PIK3C2G: variants seen among roughly 807,000 people sequenced by gnomAD.
The protein encoded by PIK3C2G is phosphatidylinositol 3-kinase C2 domain-containing subunit gamma.
In PIK3C2G, 168 loss-of-function variants were observed where a neutral mutation model predicts 181.1. The observed-to-expected ratio is 0.93, with a 90% CI of 0.82 to 1.05. The LOEUF (loss-of-function observed/expected upper bound fraction) is 1.05. PIK3C2G is among the 50% of genes least tolerant of loss of function. The pLI is 0.00. For missense variants in PIK3C2G, 1,869 were observed against 1,732.8 expected (o/e 1.08, Z -1.40); for synonymous variants, 573 against 592.2 (o/e 0.97, Z 0.47).
At chr12:18,280,950 G>A (rs1410039114) in intron 1 of PIK3C2G, among the ~76,000 whole-genome samples, 1 of 151,830 alleles carries the variant, frequency 6.6e-6, no homozygotes, top group Non-Finnish European at 1.5e-5. Flanking sequence ...GATGAGGAAG[G>A]GTTCAAAGGT....
rs540900746 is a variant in PIK3C2G, at chr12:18,532,154, G to C, written c.3324-6002G>C. ...AATAATGTTGAACATCTTTTTATAT[G>C]TTTATTTACAATCTGCAAGTCATCT... On this transcript the variant is annotated intron_variant, in intron 24 of 32. Coordinates refer to ENST00000538779, the MANE Select transcript of PIK3C2G (RefSeq NM_001288772.2). Among the ~76,000 whole-genome samples the C allele has an allele frequency of 4.6e-5, 7 of 152,074 alleles. No homozygotes were observed. In the South Asian group the frequency reaches 1.0e-3, roughly 23 times the overall value.
intron 1 of PIK3C2G, among the ~76,000 whole-genome samples, chr12:18,273,908 G>A (rs548043514): frequency 1.2e-4 from 19 of 152,112 alleles, no homozygotes; most frequent in South Asian, 1.0e-3. Flanking sequence ...CTACTCATCT[G>A]ACAAAGGGCT....
chr12:18,651,831 A>G (rs1950534516), downstream of PIK3C2G, among the ~76,000 whole-genome samples: 2 of 152,166 alleles, frequency 1.3e-5, no homozygotes. Context: ...AGACATATGC[A>G]TGAGGCAACC....
intron 15 of PIK3C2G, among the ~76,000 whole-genome samples, chr12:18,396,111 C>T (rs1477119412): frequency 1.3e-5 from 2 of 151,400 alleles, no homozygotes; most frequent in African/African-American, 4.8e-5. Flanking sequence ...TGTCAGCCTA[C>T]ATCAAAAAAG....
chr12:18,686,979 G>C, the PIK3C2G span, among the ~76,000 whole-genome samples: 4 of 152,106 alleles, frequency 2.6e-5, no homozygotes, highest in South Asian at 8.3e-4. Context: ...TAAGCATTTT[G>C]TGATGAAGAT....
At chr12:18,699,648 G>T in the PIK3C2G span, 1 of 823,578 alleles carries the variant, frequency 1.2e-6, no homozygotes, top group South Asian at 1.6e-5. Flanking sequence ...GAGACCTGAG[G>T]TATGTAACCC....
At chr12:18,651,491 A>G (rs192463206), downstream of PIK3C2G, among the ~76,000 whole-genome samples, 10 of 152,300 alleles carry the variant, frequency 6.6e-5, no homozygotes, top group Middle Eastern at 3.4e-3. Context: ...AATTAGCCAT[A>G]AGACTATCAG....
chr12:18,487,096 T>TTGTGTGTGTGTGTGTGTGTGTGTGTG (rs35440588), intron 18 of PIK3C2G, among the ~76,000 whole-genome samples: 3 of 142,106 alleles, frequency 2.1e-5, no homozygotes, highest in African/African-American at 7.9e-5. Flanking sequence ...TTGAGGTATT[T>TTGTGTGTGTGTGTGTGTGTGTGTGTG]TGTGTGTGTG....
At chr12:18,399,907 T>C (rs1233612599) in intron 16 of PIK3C2G, 60 bp downstream of exon 16, 11 of 969,156 alleles carry the variant, frequency 1.1e-5, no homozygotes, top group Admixed American at 3.0e-5. Context: ...TGAAGAGAAC[T>C]ATAGAACCAT....
intron 18 of PIK3C2G, among the ~76,000 whole-genome samples, chr12:18,446,504 C>T (rs528740298): frequency 6.6e-6 from 1 of 152,284 alleles, no homozygotes; most frequent in Non-Finnish European, 1.5e-5. Context: ...TCAGTGCTAA[C>T]AGTATCACTG....
At chr12:18,301,458 A>C (rs1950172573) in intron 5 of PIK3C2G, among the ~76,000 whole-genome samples, 1 of 152,062 alleles carries the variant, frequency 6.6e-6, no homozygotes, top group Non-Finnish European at 1.5e-5. Context: ...CCTATTATGA[A>C]GTTCTGAAAT....
chr12:18,380,731 T>C (rs924146314), intron 13 of PIK3C2G, among the ~76,000 whole-genome samples: 2 of 152,164 alleles, frequency 1.3e-5, no homozygotes, highest in African/African-American at 4.8e-5. Flanking sequence ...ATTATACTCC[T>C]CTAGGCAGAT....
intron 31 of PIK3C2G, among the ~76,000 whole-genome samples, chr12:18,613,306 T>C (rs1948436814): frequency 6.6e-6 from 1 of 151,986 alleles, no homozygotes; most frequent in South Asian, 2.1e-4. Context: ...TACCCACACT[T>C]TCTTAGGCTC....
intron 1 of PIK3C2G, among the ~76,000 whole-genome samples, chr12:18,263,904 C>A (rs994413610): frequency 4.0e-5 from 6 of 151,842 alleles, no homozygotes; most frequent in Non-Finnish European, 7.4e-5. Context: ...TGATATATAC[C>A]TTTTCATTTC....
the PIK3C2G span, chr12:18,712,984 G>A: frequency 7.5e-5 from 121 of 1,613,600 alleles, no homozygotes; most frequent in Non-Finnish European, 1.0e-4. Flanking sequence ...TTTCACAAGG[G>A]CACTAGCAAA....
intron 24 of PIK3C2G, among the ~76,000 whole-genome samples, chr12:18,522,115 A>G (rs2136185876): frequency 6.6e-6 from 1 of 152,322 alleles, no homozygotes; most frequent in Non-Finnish European, 1.5e-5. Context: ...CTTAATTGCC[A>G]GTGCAGGATT....
the PIK3C2G span, among the ~76,000 whole-genome samples, chr12:18,707,482 T>A: frequency 6.6e-6 from 1 of 152,154 alleles, no homozygotes; most frequent in African/African-American, 2.4e-5. Context: ...CTGGCCACAT[T>A]GAAAGTGGAT....
chr12:18,562,654 T>G (rs1945410687), intron 26 of PIK3C2G, 49 bp from the exon 27 acceptor site: 2 of 1,075,840 alleles, frequency 1.9e-6, no homozygotes, highest in Non-Finnish European at 2.8e-6. Context: ...ATGAAATGAG[T>G]AGATGCAGAG....
intron 16 of PIK3C2G, among the ~76,000 whole-genome samples, chr12:18,419,554 C>T (rs987385333): frequency 6.6e-6 from 1 of 152,188 alleles, no homozygotes; most frequent in African/African-American, 2.4e-5. Context: ...TAATTGCACT[C>T]TTTCTGCCCT....
Sources: gnomAD v4.1 joint callset for allele counts (sites outside exome capture counted in the v4.1 genomes callset) on GRCh38, gnomAD v4.1.1 for gene constraint, MANE v1.5 for transcripts, NCBI Gene and HGNC (gene_info 2026-07-23, HGNC 2026-07-21) for gene names.